Variants in VOPP1 observed in about 807,000 individuals in gnomAD.
VOPP1 encodes WW domain binding protein VOPP1.
A neutral mutation model predicts 23.5 loss-of-function variants in VOPP1; 8 were observed. The observed-to-expected ratio is 0.34, with a 90% CI of 0.20 to 0.61. The LOEUF is 0.61. Ranked by LOEUF, VOPP1 falls within the 20% of genes least tolerant of loss-of-function variation. The pLI is 0.78. For missense variants in VOPP1, 174 were observed against 238.1 expected (o/e 0.73, Z 1.77); for synonymous variants, 83 against 97.3 (o/e 0.85, Z 0.86).
At chr7:55,488,005 G>C (rs1254396256) in intron 4 of VOPP1, among the ~76,000 whole-genome samples, 2 of 152,200 alleles carry the variant, frequency 1.3e-5, no homozygotes, top group African/African-American at 4.8e-5. Flanking sequence ...ACAGTGGCTG[G>C]AGCTAGTTAG....
intron 2 of VOPP1, among the ~76,000 whole-genome samples, chr7:55,500,367 G>A (rs1794282621): frequency 1.3e-5 from 2 of 152,222 alleles, no homozygotes; most frequent in Admixed American, 1.3e-4. Flanking sequence ...CCAGGACTGA[G>A]TGTGGTCTGC....
intron 4 of VOPP1, among the ~76,000 whole-genome samples, chr7:55,473,900 T>C (rs1454233867): frequency 6.6e-6 from 1 of 152,178 alleles, no homozygotes; most frequent in Non-Finnish European, 1.5e-5. Context: ...TGTGTGAATA[T>C]TGTGTAGGGT....
intron 4 of VOPP1, among the ~76,000 whole-genome samples, chr7:55,445,842 T>A (rs1473453276): frequency 6.6e-6 from 1 of 152,260 alleles, no homozygotes; most frequent in Admixed American, 6.5e-5. Context: ...ATTTAAGAAT[T>A]AAGTTCATCG....
chr7:55,546,523 T>C (rs1040219446), intron 1 of VOPP1, among the ~76,000 whole-genome samples: 1 of 152,212 alleles, frequency 6.6e-6, no homozygotes, highest in African/African-American at 2.4e-5. Flanking sequence ...AATAGCAATA[T>C]ACCAATGTTG....
chr7:55,439,260 C>T lies in VOPP1; in HGVS notation n.418-3086G>A, dbSNP rs561269924. 7.9e-5 allele frequency among the ~76,000 whole-genome samples: 12 copies of T among 152,188 alleles called. No homozygotes were observed. In the South Asian group the frequency reaches 2.3e-3, roughly 29 times the overall value. On this transcript the variant is annotated intron_variant and non_coding_transcript_variant, in intron 4 of 4. Transcript: ENST00000462326. ...CAGAGAAGAGGAGAAGGCGCAGTCA[C>T]TGAGGTAGGGAGACAAGAGTCTGTT...
chr7:55,437,862 A>T (rs563754225), intron 4 of VOPP1, among the ~76,000 whole-genome samples: 1 of 148,340 alleles, frequency 6.7e-6, no homozygotes. Flanking sequence ...TTTATTTTTT[A>T]TATCAGTGTA....
chr7:55,462,103 C>T lies in VOPP1; in HGVS notation n.418-25929G>A, dbSNP rs569388465. On this transcript the variant is annotated intron_variant and non_coding_transcript_variant, in intron 4 of 4. Coordinates refer to the VOPP1 transcript ENST00000462326. ...TTTAATTTTTGAAGGACAACTTTGC[C>T]GAGTATAGTGTTCTTGCGTGACAGT... Among the ~76,000 whole-genome samples, 11 of 152,222 alleles carry T rather than the reference C, an allele frequency of 7.2e-5. No individual in the cohort carries two copies. The East Asian group carries it at 1.7e-3, about 24-fold the overall frequency.
chr7:55,553,809 A>C (rs1584111242), intron 1 of VOPP1: 1 of 141,534 alleles, frequency 7.1e-6, no homozygotes, highest in Admixed American at 7.1e-5. Flanking sequence ...ACACACACTC[A>C]CCCTCTTCCT....
intron 1 of VOPP1, among the ~76,000 whole-genome samples, chr7:55,534,416 C>A (rs758106523): frequency 6.6e-5 from 10 of 152,342 alleles, no homozygotes; most frequent in Admixed American, 2.0e-4. Flanking sequence ...AGGGCAGCTG[C>A]GTGTAGGGAG....
intron 2 of VOPP1, among the ~76,000 whole-genome samples, chr7:55,505,030 T>C (rs914959353): frequency 8.5e-5 from 13 of 152,250 alleles, no homozygotes; most frequent in Admixed American, 7.9e-4. Flanking sequence ...GGTAAACTTA[T>C]GCAATCTGGC....
At chr7:55,450,141 C>T (rs1033438776) in intron 4 of VOPP1, among the ~76,000 whole-genome samples, 1 of 152,198 alleles carries the variant, frequency 6.6e-6, no homozygotes, top group African/African-American at 2.4e-5. Flanking sequence ...TTCCAGGGAC[C>T]CCTGAGCTTC....
chr7:55,539,661 C>G (rs999711241), intron 1 of VOPP1: 7 of 152,052 alleles, frequency 4.6e-5, no homozygotes, highest in African/African-American at 1.7e-4. Flanking sequence ...CCGCTGTGAG[C>G]TCAACAGCCC....
intron 1 of VOPP1, among the ~76,000 whole-genome samples, chr7:55,524,507 G>T (rs1036775591): frequency 6.6e-6 from 1 of 152,146 alleles, no homozygotes; most frequent in African/African-American, 2.4e-5. Context: ...TGCCAACATC[G>T]TAATACTACA....
At chr7:55,556,061 T>TA (rs1797790212) in intron 1 of VOPP1, among the ~76,000 whole-genome samples, 1 of 152,222 alleles carries the variant, frequency 6.6e-6, no homozygotes, top group Admixed American at 6.5e-5. Flanking sequence ...GCTGCTTACC[T>TA]ATGAGGGGCC....
intron 3 of VOPP1, among the ~76,000 whole-genome samples, chr7:55,495,804 C>T (rs1264632025): frequency 1.3e-5 from 2 of 152,206 alleles, no homozygotes; most frequent in Admixed American, 1.3e-4. Flanking sequence ...GCTCACACCC[C>T]CAGGTGCTCC....
At chr7:55,543,375 T>C (rs117757193) in intron 1 of VOPP1, among the ~76,000 whole-genome samples, 1,670 of 152,328 alleles carry the variant, frequency 0.011, 11 homozygotes, top group Middle Eastern at 0.02. Context: ...CTCTTCAATA[T>C]GCTCATGTTC....
In VOPP1 at chr7:55,451,541, C is replaced by T. The variant is rs571956302; in HGVS notation, n.418-15367G>A. ...ATGTAGTGGCTCACGCCTGTAATCC[C>T]AGCACTTTGGGAGGCAGAGGCGGGC... On this transcript the variant is annotated intron_variant and non_coding_transcript_variant, in intron 4 of 4. Coordinates refer to the VOPP1 transcript ENST00000462326. Among the ~76,000 whole-genome samples the T allele has an allele frequency of 1.5e-4, 23 of 152,302 alleles. No individual in the cohort carries two copies. The East Asian group carries it at 3.9e-3, about 26-fold the overall frequency.
chr7:55,535,563 T>C (rs934571902), intron 1 of VOPP1, among the ~76,000 whole-genome samples: 3 of 152,332 alleles, frequency 2.0e-5, no homozygotes, highest in Admixed American at 2.0e-4. Context: ...TAGAGAACCC[T>C]AGGTCTATTC....
intron 1 of VOPP1, among the ~76,000 whole-genome samples, chr7:55,569,815 G>C (rs947619014): frequency 1.1e-4 from 16 of 152,064 alleles, no homozygotes; most frequent in Non-Finnish European, 1.5e-4. Context: ...TCCTACTCAA[G>C]GACCTCTCAC....
Sources: allele counts gnomAD v4.1 joint callset (sites outside exome capture counted in the v4.1 genomes callset), GRCh38; gene constraint gnomAD v4.1.1; transcripts MANE v1.5; gene names NCBI Gene and HGNC (gene_info 2026-07-23, HGNC 2026-07-21).